The following SLC25A21 variants were observed in gnomAD, a reference collection of about 807,000 sequenced individuals.
SLC25A21 encodes the protein mitochondrial 2-oxodicarboxylate carrier.
A neutral mutation model predicts 43.8 loss-of-function variants in SLC25A21; 47 were observed. That is an observed-to-expected ratio of 1.07 (90% CI 0.85 to 1.37). SLC25A21 has a LOEUF of 1.37. Ranked by LOEUF, SLC25A21 falls within the 40% of genes most tolerant of loss-of-function variation. SLC25A21 has a pLI of 0.00. For missense variants in SLC25A21, 352 were observed against 350.2 expected (o/e 1.00, Z -0.04); for synonymous variants, 131 against 121.3 (o/e 1.08, Z -0.52).
At chr14:36,729,485 T>G in intron 5 of SLC25A21, 22 bp downstream of exon 5, 1 of 1,563,542 alleles carries the variant, frequency 6.4e-7, no homozygotes, top group South Asian at 1.2e-5. Context: ...CACATTTAAG[T>G]ATAATAAATA....
At chr14:37,170,879 G>A (rs1964112397) in intron 1 of SLC25A21, among the ~76,000 whole-genome samples, 1 of 151,486 alleles carries the variant, frequency 6.6e-6, no homozygotes, top group African/African-American at 2.4e-5. Context: ...GAGCCCGGGA[G>A]GTTGAGACCA....
intron 2 of SLC25A21, among the ~76,000 whole-genome samples, chr14:36,838,173 C>T (rs1267887437): frequency 1.3e-5 from 2 of 152,174 alleles, no homozygotes; most frequent in Non-Finnish European, 2.9e-5. Flanking sequence ...ACAGTGCACA[C>T]GGCTGCCAGG....
At chr14:36,845,805 T>C (rs1594635950) in intron 2 of SLC25A21, among the ~76,000 whole-genome samples, 2 of 152,218 alleles carry the variant, frequency 1.3e-5, no homozygotes, top group Admixed American at 1.3e-4. Context: ...AATATGGATT[T>C]GAAGATTTAT....
chr14:36,803,164 TAGA>T (rs1458032657), intron 3 of SLC25A21, among the ~76,000 whole-genome samples: 3 of 152,296 alleles, frequency 2.0e-5, no homozygotes, highest in East Asian at 1.9e-4. Flanking sequence ...TGGAAAAAGA[TAGA>T]AGGTCTGTGG....
chr14:37,071,500 C>A (rs186078651), intron 1 of SLC25A21, among the ~76,000 whole-genome samples: 12 of 152,314 alleles, frequency 7.9e-5, no homozygotes, highest in Admixed American at 7.8e-4. Flanking sequence ...TAAACAGAAG[C>A]AGCCCTGAGC....
intron 3 of SLC25A21, among the ~76,000 whole-genome samples, chr14:36,749,518 C>T (rs1885623800): frequency 6.6e-6 from 1 of 152,192 alleles, no homozygotes; most frequent in Non-Finnish European, 1.5e-5. Flanking sequence ...TGTCACTCTT[C>T]TGTGCCTAAT....
intron 1 of SLC25A21, among the ~76,000 whole-genome samples, chr14:37,154,138 C>T (rs1963805990): frequency 6.6e-6 from 1 of 152,100 alleles, no homozygotes; most frequent in Non-Finnish European, 1.5e-5. Flanking sequence ...GATAGGGATA[C>T]TCAACCCACC....
At chr14:37,005,514 G>T (rs72667368) in intron 1 of SLC25A21, among the ~76,000 whole-genome samples, 15,324 of 152,122 alleles carry the variant, frequency 0.1, 813 homozygotes, top group Admixed American at 0.13. Flanking sequence ...AAAAGGGTTT[G>T]TACAAACTAT....
At chr14:37,062,714 C>A (rs17106164) in intron 1 of SLC25A21, among the ~76,000 whole-genome samples, 34,474 of 152,012 alleles carry the variant, frequency 0.23, 4,328 homozygotes, top group Non-Finnish European at 0.28. Context: ...GGGAGTGACC[C>A]TTGGGAAATA....
chr14:36,936,729 A>G (rs1296942258), intron 1 of SLC25A21, among the ~76,000 whole-genome samples: 10 of 152,208 alleles, frequency 6.6e-5, no homozygotes, highest in Non-Finnish European at 2.9e-5. Flanking sequence ...TTTCAATATG[A>G]TAGTTTTAAA....
At chr14:37,013,693 G>C (rs556741045) in intron 1 of SLC25A21, among the ~76,000 whole-genome samples, 117 of 152,138 alleles carry the variant, frequency 7.7e-4, no homozygotes, top group South Asian at 2.1e-3. Context: ...CTCTGAAATT[G>C]TCATAAGTCA....
chr14:37,030,961 G>C (rs1961198294), intron 1 of SLC25A21, among the ~76,000 whole-genome samples: 1 of 152,120 alleles, frequency 6.6e-6, no homozygotes, highest in African/African-American at 2.4e-5. Context: ...CCCTGAGATT[G>C]TGCAGGAAAT....
chr14:36,756,291 C>T (rs915337444), intron 3 of SLC25A21, among the ~76,000 whole-genome samples: 4 of 152,186 alleles, frequency 2.6e-5, no homozygotes, highest in Admixed American at 1.3e-4. Flanking sequence ...AGACGATGTT[C>T]GGCCGCCTCC....
intron 1 of SLC25A21, among the ~76,000 whole-genome samples, chr14:37,032,098 C>T (rs1456987832): frequency 6.6e-6 from 1 of 150,982 alleles, no homozygotes; most frequent in Non-Finnish European, 1.5e-5. Context: ...ATCATTTTTC[C>T]CATATAGCTA....
rs192693986 is a variant in SLC25A21 at position 36,767,188 on chromosome 14, A to G, written c.204-32615T>C. On this transcript the variant is annotated intron_variant, in intron 3 of 9. Transcript: ENST00000331299. ...ACTCCTAGATCAGCGAAATTTTTAA[A>G]GCTATCTGGTATCTCTCACAGTACT... Among the ~76,000 whole-genome samples the G allele has an allele frequency of 2.0e-5, 3 of 152,330 alleles. No individual in the cohort carries two copies. In the East Asian group the frequency reaches 5.8e-4, roughly 29 times the overall value.
intron 1 of SLC25A21, among the ~76,000 whole-genome samples, chr14:37,107,013 A>C (rs1962927100): frequency 6.6e-6 from 1 of 152,248 alleles, no homozygotes; most frequent in Non-Finnish European, 1.5e-5. Flanking sequence ...CACAGGCATT[A>C]GTAATTTCAG....
intron 1 of SLC25A21, among the ~76,000 whole-genome samples, chr14:36,946,290 T>C (rs968332460): frequency 2.4e-4 from 36 of 152,212 alleles, no homozygotes; most frequent in African/African-American, 8.7e-4. Context: ...TCCATAGGTA[T>C]GTTCAAGAAT....
chr14:37,022,312 A>C (rs1487972749), intron 1 of SLC25A21, among the ~76,000 whole-genome samples: 1 of 152,018 alleles, frequency 6.6e-6, no homozygotes, highest in Non-Finnish European at 1.5e-5. Context: ...AAAATCTAAC[A>C]TAGTATAGTT....
At position 36,814,001 on chromosome 14, in the gene SLC25A21, C is replaced by T; in HGVS notation, c.120G>A (p.Arg40=). Residue 40 remains arginine, a splice_region_variant and synonymous_variant, in exon 3 of 10, where the codon AGG becomes AGA. Coordinates refer to ENST00000331299, the MANE Select transcript of SLC25A21 (RefSeq NM_030631.4). ...CGGTTGCACATCTCTGAATCTGAAA[C>T]CTAGAAGCAAAATCAAACCAAAAAT... ...LMHPLDVVKT[R]FQIQRCATDP... The T allele has an allele frequency of 6.3e-7, 1 of 1,596,672 alleles. No homozygotes were observed. Among genetic ancestry groups the T allele is most frequent in the Non-Finnish European group, 8.5e-7 (1 of 1,175,488 alleles).
Sources: gnomAD v4.1 joint callset for allele counts (sites outside exome capture counted in the v4.1 genomes callset) on GRCh38, gnomAD v4.1.1 for gene constraint, MANE v1.5 for transcripts, NCBI Gene and HGNC (gene_info 2026-07-23, HGNC 2026-07-21) for gene names.